The following IGSF9 variants were observed in gnomAD, a reference collection of about 807,000 sequenced individuals.
The protein encoded by IGSF9 is protein turtle homolog A.
IGSF9 carries 87 observed loss-of-function variants against 121.7 expected under a neutral mutation model. That is an observed-to-expected ratio of 0.71 (90% confidence interval 0.60 to 0.85). IGSF9 has a LOEUF of 0.85. Ranked by LOEUF, IGSF9 falls within the 40% of genes least tolerant of loss-of-function variation. The pLI is 0.00. For missense variants in IGSF9, 1,462 were observed against 1,565.3 expected, an observed-to-expected ratio of 0.93 and a Z score of 1.11; for synonymous variants, 640 against 648.4, an observed-to-expected ratio of 0.99 and a Z score of 0.20.
At chr1:159,945,276 TTC>T (rs985782623) in intron 1 of IGSF9, among the ~76,000 whole-genome samples, 6 of 149,078 alleles carry the variant, frequency 4.0e-5, no homozygotes, top group African/African-American at 1.5e-4. Context: ...CACAATACAA[TTC>T]TGATACCCCA....
At position 159,932,527 on chromosome 1, in the gene IGSF9, G is replaced by A; in HGVS notation, c.1230C>T (p.Thr410=). ...SLGTAGPSPV[T]RVLLKAPPAF... is the part of the protein sequence containing the mutation. ...CCGGCCTAACCTTGAGCAGCACGCG[G>A]GTCACAGGAGAGGGCCCGGCGGTAC... The change falls in exon 10 of 21, where the codon ACC becomes ACT. Residue 410 remains threonine (T), a synonymous_variant. Coordinates refer to ENST00000368094, the MANE Select transcript of IGSF9 (RefSeq NM_001135050.2). This position sits in a 1 kb window ranked among gnomAD's most constrained non-coding sequence, Gnocchi z 4.1. The A allele has an allele frequency of 2.5e-6, 4 of 1,614,010 alleles. No homozygotes were observed. Among genetic ancestry groups the A allele is most frequent in the Non-Finnish European group, 3.4e-6 (4 of 1,179,950 alleles).
Position 159,927,385 on chromosome 1 carries a change from C to T in IGSF9, c.3500G>A (p.Arg1167Gln), listed in dbSNP as rs763969390. 23 of 1,613,526 alleles carry T rather than the reference C, an allele frequency of 1.4e-5. No individual in the cohort carries two copies. The highest frequency in any genetic ancestry group is 5.0e-5 in the Admixed American group (3 of 59,988). The change falls in exon 21 of 21, where the codon CGA becomes CAA. Residue 1167 changes from arginine to glutamine, a missense_variant. Physicochemically the swap from Arg to Gln is conservative, Grantham distance 43. Transcript: ENST00000368094. ...DATRARLPAYRQPVPHPEQAT... is the reference protein window; with the variant it reads ...DATRARLPAYQQPVPHPEQAT... Reference sequence around the variant, plus strand: ...CTGTTCGGGGTGGGGGACTGGCTGTCGATAGGCTGGTAGCCGAGCCCTAGT... The same window carrying T: ...CTGTTCGGGGTGGGGGACTGGCTGTTGATAGGCTGGTAGCCGAGCCCTAGT...
chr1:159,930,898 C>T (rs1335094541), intron 13 of IGSF9, 31 bp from the exon 14 acceptor site: 5 of 1,564,048 alleles, frequency 3.2e-6, no homozygotes, highest in Middle Eastern at 1.8e-4. Flanking sequence ...GGGGGCACCT[C>T]GTGAGCTAGG....
rs149337086 is a variant in IGSF9, at chr1:159,943,108, C to G, written c.102G>C (p.Gly34=). Residue 34 remains glycine (G), a synonymous_variant, in exon 3 of 21, where the codon GGG becomes GGC. Transcript: ENST00000368094. Reference sequence around the variant, plus strand: ...GGTCACAGCCCAGCACCACACTCTCCCCAGCCCGGCCCACCACCGATACCA... The same window carrying G: ...GGTCACAGCCCAGCACCACACTCTCGCCAGCCCGGCCCACCACCGATACCA... The part of the protein sequence containing the change: ...PEVVSVVGRA[G]ESVVLGCDLL... The G allele has an allele frequency of 6.2e-7, 1 of 1,601,446 alleles. No homozygotes were observed. The highest frequency in any genetic ancestry group is 8.5e-7 in the Non-Finnish European group (1 of 1,176,186).
chr1:159,930,731 T>TC lies in IGSF9; in HGVS notation c.1773dup (p.Ser592GlufsTer60). 1 of 1,614,066 alleles carries TC rather than the reference T, an allele frequency of 6.2e-7. No individual in the cohort carries two copies. Reference sequence around the variant, plus strand: ...AAGACGATTTCGCTGAAGGGACCACTCCCCAGCTTGTTCTGAGCTAGCACG... The same window carrying TC: ...AAGACGATTTCGCTGAAGGGACCACTCCCCCAGCTTGTTCTGAGCTAGCACG... On this transcript the variant is annotated frameshift_variant, in exon 14 of 21. Coordinates refer to ENST00000368094, the MANE Select transcript of IGSF9 (RefSeq NM_001135050.2). LOFTEE classifies it high-confidence loss of function.
Position 159,931,568 on chromosome 1 carries a change from G to A in IGSF9, c.1398C>T (p.Asp466=). The change falls in exon 12 of 21, where the codon GAC becomes GAT. Residue 466 remains aspartate, a synonymous_variant. Coordinates refer to ENST00000368094, the MANE Select transcript of IGSF9 (RefSeq NM_001135050.2). This position sits in a 1 kb window ranked among gnomAD's most constrained non-coding sequence, Gnocchi z 4.8. ...GTCGCAGGATGAGGCTGCTGTTGCT[G>A]TCCACCTGGGCCTGGCCTTGCAGCC... ...GRGLQGQAQV[D]SNSSLILRPL... 1 of 1,614,084 alleles carries A rather than the reference G, an allele frequency of 6.2e-7. No homozygotes were observed.
rs867466572 is a variant in IGSF9 at position 159,928,717 on chromosome 1, GGCT to G, written c.2668_2670del (p.Ser890del). 3 of 1,476,356 alleles carry G rather than the reference GGCT, an allele frequency of 2.0e-6. No individual in the cohort carries two copies. Among genetic ancestry groups the G allele is most frequent in the East Asian group, 2.5e-5 (1 of 40,740 alleles). The allele number at this position is 1,476,356 out of a possible 1,614,324, so 91.5% of individuals were successfully genotyped here. On this transcript the variant is annotated inframe_deletion, in exon 19 of 21. Coordinates refer to ENST00000368094, the MANE Select transcript of IGSF9 (RefSeq NM_001135050.2). Reference sequence around the variant, plus strand: ...CAGAGGGGCTGGGGTGCCCCACTGGGGCTGCTGCTGCTACAGTCAAAGGACCGG... The same window carrying G: ...CAGAGGGGCTGGGGTGCCCCACTGGGGCTGCTGCTACAGTCAAAGGACCGG...
At chr1:159,933,931 C>G (rs1250720442) in intron 9 of IGSF9, 1 of 527,420 alleles carries the variant, frequency 1.9e-6, no homozygotes, top group South Asian at 2.2e-5. Context: ...CTTCTTGACT[C>G]TTTGCCATCA....
Position 159,927,168 on chromosome 1 carries a change from C to T in IGSF9, c.*177G>A. The T allele has an allele frequency of 1.5e-6, 1 of 680,374 alleles. No homozygotes were observed. The highest frequency in any genetic ancestry group is 2.6e-6 in the Non-Finnish European group (1 of 390,636). 42.1% of individuals were successfully genotyped at this position (680,374 alleles called of 1,614,324 possible). ...ATCCCTGTTCCAATCCCCAGACTCA[C>T]CTAGGGGGTCAGCACATACATTCCA... On this transcript the variant is annotated 3_prime_UTR_variant, in exon 21 of 21. Coordinates refer to ENST00000368094, the MANE Select transcript of IGSF9 (RefSeq NM_001135050.2).
Position 159,930,427 on chromosome 1 carries a change from G to A in IGSF9, c.1826C>T (p.Thr609Met), listed in dbSNP as rs796532082. The A allele has an allele frequency of 1.3e-6, 2 of 1,539,366 alleles. No homozygotes were observed. The highest frequency in any genetic ancestry group is 2.0e-5 in the Admixed American group (1 of 49,742). The stretch of plus-strand genomic sequence containing the variant: ...TGGGGGAAGCCCGGGTGCAGCTGGC[G>A]TGGTAGGAAGCCCTGCGTGGGACAG... Reference protein sequence around the residue: ...VLSAPEGLPTTPAAPGLPPTE... With the variant: ...VLSAPEGLPTMPAAPGLPPTE... The change falls in exon 15 of 21, where the codon ACG becomes ATG. Residue 609 changes from threonine (T) to methionine (M), a missense_variant. Physicochemically the swap from Thr to Met is moderately conservative, Grantham distance 81. Around this residue, in one of 3 missense-constraint regions of IGSF9, gnomAD observed 808 missense variants for 815.2 expected, o/e 0.99. Transcript: ENST00000368094.
rs780322982 is a variant in IGSF9, at chr1:159,942,996, G to A, written c.214C>T (p.Leu72Phe). The change falls in exon 3 of 21, where the codon CTC (leucine) becomes TTC (phenylalanine). Residue 72 changes from leucine (L) to phenylalanine (F), a missense_variant. Transcript: ENST00000368094. The stretch of plus-strand genomic sequence containing the variant: ...TCAGGGTCAATTCGGGGAGAGTAGA[G>A]GCCGAACTGGATGAAGATGGGAAGC... ...FLLPIFIQFGLYSPRIDPDYV... is the reference protein window; with the variant it reads ...FLLPIFIQFGFYSPRIDPDYV... The A allele has an allele frequency of 3.0e-5, 49 of 1,613,542 alleles. No individual in the cohort carries two copies. The highest frequency in any genetic ancestry group is 4.2e-5 in the Non-Finnish European group (49 of 1,179,816).
Position 159,927,091 on chromosome 1 carries a change from CACACACAGAGAG to C in IGSF9, c.*242_*253del. On this transcript the variant is annotated 3_prime_UTR_variant, in exon 21 of 21. Transcript: ENST00000368094. ...GTAAAAAACTTCACACACACACACACACACACAGAGAGAGAGAGAGAGAGAGAGAGAGAGAGA... is the reference window on the plus strand; with the variant it reads ...GTAAAAAACTTCACACACACACACACAGAGAGAGAGAGAGAGAGAGAGAGA... The C allele has an allele frequency of 1.8e-6, 1 of 540,832 alleles. No homozygotes were observed. Among genetic ancestry groups the C allele is most frequent in the African/African-American group, 2.1e-5 (1 of 48,098 alleles). The allele number at this position is 540,832 out of a possible 1,614,324, so 33.5% of individuals were successfully genotyped here.
chr1:159,931,965 T>G lies in IGSF9; in HGVS notation c.1246-37A>C. On this transcript the variant is annotated intron_variant, in intron 10 of 20. Coordinates refer to ENST00000368094, the MANE Select transcript of IGSF9 (RefSeq NM_001135050.2). This position sits in a 1 kb window ranked among gnomAD's most constrained non-coding sequence, Gnocchi z 4.8. ...ATCTGGCATTGGGAGGGGCCCTCTC[T>G]TACATCTAAGGCTGGCTACTCCCTC... The G allele has an allele frequency of 7.4e-7, 1 of 1,351,636 alleles. No individual in the cohort carries two copies. Among genetic ancestry groups the G allele is most frequent in the Non-Finnish European group, 1.0e-6 (1 of 964,414 alleles). The allele number at this position is 1,351,636 out of a possible 1,614,324, so 83.7% of individuals were successfully genotyped here. A position where few individuals can be genotyped will look rare whatever the true frequency, so the allele number is the denominator to read the frequency against.
rs767110567 is a variant in IGSF9, at chr1:159,931,850, C to T, written c.1324G>A (p.Ala442Thr). 7 of 1,593,400 alleles carry T rather than the reference C, an allele frequency of 4.4e-6. No individual in the cohort carries two copies. Among genetic ancestry groups the T allele is most frequent in the South Asian group, 2.3e-5 (2 of 88,032 alleles). The change falls in exon 11 of 21, where the codon GCC becomes ACC. Residue 442 changes from alanine to threonine, a missense_variant. Around this residue, in one of 3 missense-constraint regions of IGSF9, gnomAD observed 558 missense variants for 599.4 expected, o/e 0.93. Transcript: ENST00000368094. This position sits in a 1 kb window ranked among gnomAD's most constrained non-coding sequence, Gnocchi z 4.8. ...ACAACAGGAGGAGGGTCCCCTTGGG[C>T]GGAGCAGGGGATGAGCAGCTCCCGC... ...VGRELLIPCS[A>T]QGDPPPVVSW... is the part of the protein sequence containing the mutation.
At chr1:159,929,163 A>AG in intron 18 of IGSF9, 145 bp from the exon 19 acceptor site, 1 of 1,312,328 alleles carries the variant, frequency 7.6e-7, no homozygotes, top group South Asian at 1.3e-5. Context: ...GGAGGGGTGG[A>AG]GGGAAGGCAC....
chr1:159,927,261 G>C lies in IGSF9; in HGVS notation c.*84C>G. On this transcript the variant is annotated 3_prime_UTR_variant, in exon 21 of 21. Transcript: ENST00000368094. Reference sequence around the variant, plus strand: ...CACCAAAGGGGCAGGCAGGGGCAGTGCCCTCGTTTGAAACTAGGTCTGTCT... The same window carrying C: ...CACCAAAGGGGCAGGCAGGGGCAGTCCCCTCGTTTGAAACTAGGTCTGTCT... 6.5e-7 allele frequency: 1 copy of C among 1,536,590 alleles called. No homozygotes were observed. Among genetic ancestry groups the C allele is most frequent in the Non-Finnish European group, 9.0e-7 (1 of 1,113,806 alleles).
At chr1:159,929,324 G>A (rs781574424) in intron 18 of IGSF9, 27 bp downstream of exon 18, 16 of 1,611,236 alleles carry the variant, frequency 9.9e-6, no homozygotes, top group African/African-American at 1.3e-5. Flanking sequence ...AAAGGCAGAA[G>A]AAAGCCAAGG....
Position 159,930,845 on chromosome 1 carries a change from G to A in IGSF9, c.1660C>T (p.His554Tyr). The A allele has an allele frequency of 6.2e-7, 1 of 1,611,056 alleles. No homozygotes were observed. Among genetic ancestry groups the A allele is most frequent in the Non-Finnish European group, 8.5e-7 (1 of 1,178,566 alleles). Reference sequence around the variant, plus strand: ...ACTGCCAAGGACACCCAGTCATGGTGCATTCGGTCAGGACGCTTGGCCCTG... The same window carrying A: ...ACTGCCAAGGACACCCAGTCATGGTACATTCGGTCAGGACGCTTGGCCCTG... ...TPLAKRPDRM[H>Y]HDWVSLAVPV... Residue 554 changes from histidine (H) to tyrosine (Y), a missense_variant, in exon 14 of 21, where the codon CAC (histidine) becomes TAC (tyrosine). His to Tyr is a moderately conservative substitution (Grantham distance 83). Coordinates refer to ENST00000368094, the MANE Select transcript of IGSF9 (RefSeq NM_001135050.2).
At chr1:159,936,983 C>T in intron 4 of IGSF9, 75 bp from the exon 5 acceptor site, 1 of 1,460,558 alleles carries the variant, frequency 6.8e-7, no homozygotes. Flanking sequence ...GCCAGGGAGA[C>T]CACTCAGGGC....
Sources: gnomAD v4.1 joint callset for allele counts (sites outside exome capture counted in the v4.1 genomes callset) on GRCh38, gnomAD v4.1.1 for gene constraint, gnomAD v4.1.1 regional missense constraint, Gnocchi (gnomAD v3.1) non-coding constraint, MANE v1.5 for transcripts, NCBI Gene and HGNC (gene_info 2026-07-23, HGNC 2026-07-21) for gene names.